PHACTR2: variants seen among roughly 807,000 people sequenced by gnomAD.
PHACTR2 encodes chromosome 6 open reading frame 56.
PHACTR2 carries 30 observed loss-of-function variants against 76.0 expected under a neutral mutation model. The observed-to-expected ratio is 0.39, with a 90% CI of 0.30 to 0.54. The LOEUF (loss-of-function observed/expected upper bound fraction) is 0.54, where lower values mean the gene tolerates loss of function less well. Ranked by LOEUF, PHACTR2 falls within the 20% of genes least tolerant of loss-of-function variation. The probability of loss-of-function intolerance (pLI) is 0.61; values close to 1 mark genes in which losing one functional copy is unlikely to be tolerated. For synonymous variants in PHACTR2, 292 were observed against 292.5 expected (o/e 1.00, Z 0.02); for missense variants, 696 against 781.1 (o/e 0.89, Z 1.30).
At chr6:143,808,388 C>G (rs188932246) in intron 12 of PHACTR2, among the ~76,000 whole-genome samples, 58,077 of 151,440 alleles carry the variant, frequency 0.38, 11,223 homozygotes, top group South Asian at 0.48. Flanking sequence ...CTCAGCCTCT[C>G]AGAATGCTGG....
intron 1 of PHACTR2, among the ~76,000 whole-genome samples, chr6:143,642,315 G>A (rs1432671883): frequency 6.6e-6 from 1 of 152,194 alleles, no homozygotes; most frequent in Non-Finnish European, 1.5e-5. Context: ...GCTTGCTTTG[G>A]AAGCACTTCG....
chr6:143,788,984 T>C, intron 11 of PHACTR2, 74 bp downstream of exon 11: 2 of 1,387,734 alleles, frequency 1.4e-6, no homozygotes, highest in South Asian at 1.2e-5. Flanking sequence ...CCCCCCTACT[T>C]AAGTCATCCC....
rs1397696584 is a variant in PHACTR2 at position 143,543,507 on chromosome 6, A to G, written c.217+6300A>G. Among the ~76,000 whole-genome samples, 3 of 152,238 alleles carry G rather than the reference A, an allele frequency of 2.0e-5. No homozygotes were observed. The highest frequency in any genetic ancestry group is 6.5e-5 in the Admixed American group (1 of 15,284). ...CTGTCCTGGGCCTGGGGGAGAACCTAGGATGGTCGGCTATAGGGAATGGCT... is the reference window on the plus strand; with the variant it reads ...CTGTCCTGGGCCTGGGGGAGAACCTGGGATGGTCGGCTATAGGGAATGGCT... On this transcript the variant is annotated intron_variant, in intron 1 of 11. Transcript: ENST00000367584. The surrounding 1 kb of genome is among the most constrained non-coding windows in gnomAD (Gnocchi z 4.7).
chr6:143,728,769 A>C (rs894531339), intron 2 of PHACTR2, among the ~76,000 whole-genome samples: 4 of 152,180 alleles, frequency 2.6e-5, no homozygotes, highest in Non-Finnish European at 4.4e-5. Context: ...GTGCTGGAAA[A>C]AGTGAATATC....
At position 143,578,129 on chromosome 6, in the gene PHACTR2, G is replaced by A. The variant is rs976020504; in HGVS notation, c.217+40922G>A. On this transcript the variant is annotated intron_variant, in intron 1 of 11. Coordinates refer to the PHACTR2 transcript ENST00000367584. This position sits in a 1 kb window ranked among gnomAD's most constrained non-coding sequence, Gnocchi z 4.5. Reference sequence around the variant, plus strand: ...CATAGTCCAAATGCAAAGAGGGAAGGAGCTTCATTTACTGTTGTTCCTTCA... The same window carrying A: ...CATAGTCCAAATGCAAAGAGGGAAGAAGCTTCATTTACTGTTGTTCCTTCA... Among the ~76,000 whole-genome samples the A allele has an allele frequency of 2.0e-5, 3 of 152,134 alleles. No individual in the cohort carries two copies. Among genetic ancestry groups the A allele is most frequent in the South Asian group, 2.1e-4 (1 of 4,830 alleles).
rs190908553 is a variant in PHACTR2 at position 143,620,610 on chromosome 6, T to C, written c.13+12288T>C. On this transcript the variant is annotated intron_variant, in intron 1 of 11. Coordinates refer to the PHACTR2 transcript ENST00000305766. ...TAAGGCAGAGAAGTTTATTTATTTATTTTTTCAGACAGCAGCCTCATGCAC... is the reference window on the plus strand; with the variant it reads ...TAAGGCAGAGAAGTTTATTTATTTACTTTTTCAGACAGCAGCCTCATGCAC... Among the ~76,000 whole-genome samples, 164 of 152,352 alleles carry C rather than the reference T, an allele frequency of 1.1e-3. 1 individual carries two copies. The highest frequency in any genetic ancestry group is 3.9e-3 in the African/African-American group (163 of 41,584).
chr6:143,708,899 T>G lies in PHACTR2; in HGVS notation c.47-3117T>G, dbSNP rs540541471. On this transcript the variant is annotated intron_variant, in intron 1 of 12. Transcript: ENST00000440869. The surrounding 1 kb of genome is among the most constrained non-coding windows in gnomAD (Gnocchi z 5.5). ...GATTGGGAGAGAAAGATCCCATGTA[T>G]TGTAAGAAAATGAAAACTGGACATG... Among the ~76,000 whole-genome samples, 1 of 152,314 alleles carries G rather than the reference T, an allele frequency of 6.6e-6. No individual in the cohort carries two copies. Among genetic ancestry groups the G allele is most frequent in the South Asian group, 2.1e-4 (1 of 4,824 alleles).
At chr6:143,719,855 C>T (rs1278634412) in intron 2 of PHACTR2, among the ~76,000 whole-genome samples, 1 of 141,248 alleles carries the variant, frequency 7.1e-6, no homozygotes, top group East Asian at 2.1e-4. Context: ...CACTCTCGCC[C>T]AGGCTGGAGT....
chr6:143,715,657 A>G (rs1778284705), intron 2 of PHACTR2, among the ~76,000 whole-genome samples: 1 of 152,208 alleles, frequency 6.6e-6, no homozygotes, highest in Admixed American at 6.5e-5. Context: ...AATAAATGCT[A>G]TGATGGACAC....
rs1776677406 is a variant in PHACTR2 at position 143,647,353 on chromosome 6, C to A, written c.13+39031C>A. 6.6e-6 allele frequency among the ~76,000 whole-genome samples: 1 copy of A among 152,156 alleles called. No individual in the cohort carries two copies. The highest frequency in any genetic ancestry group is 1.5e-5 in the Non-Finnish European group (1 of 68,026). On this transcript the variant is annotated intron_variant, in intron 1 of 11. Coordinates refer to the PHACTR2 transcript ENST00000305766. This position sits in a 1 kb window ranked among gnomAD's most constrained non-coding sequence, Gnocchi z 4.2. ...AATCAAAACAACCTGACCCTGAAACCCTCCTGTTAACCAGTGACCTTTTCT... is the reference window on the plus strand; with the variant it reads ...AATCAAAACAACCTGACCCTGAAACACTCCTGTTAACCAGTGACCTTTTCT...
At chr6:143,692,449 C>G (rs9496734) in intron 1 of PHACTR2, among the ~76,000 whole-genome samples, 70,429 of 151,858 alleles carry the variant, frequency 0.46, 16,336 homozygotes, top group Middle Eastern at 0.55. Context: ...GGCCTCTAAA[C>G]CAGAATTGTA....
rs1361509563 is a variant in PHACTR2 at position 143,697,354 on chromosome 6, A to G, written c.47-14662A>G. On this transcript the variant is annotated intron_variant, in intron 1 of 12. Coordinates refer to ENST00000440869, the MANE Select transcript of PHACTR2 (RefSeq NM_001100164.2). This position sits in a 1 kb window ranked among gnomAD's most constrained non-coding sequence, Gnocchi z 4.4. ...GAAAGAAGGTTAAGACTGAAGAAAA[A>G]TCTGAGATGAGAAAGAAGGAAATGT... Among the ~76,000 whole-genome samples the G allele has an allele frequency of 6.6e-6, 1 of 152,232 alleles. No individual in the cohort carries two copies.
chr6:143,546,136 G>C lies in PHACTR2; in HGVS notation c.217+8929G>C, dbSNP rs2128426820. Among the ~76,000 whole-genome samples, 1 of 152,292 alleles carries C rather than the reference G, an allele frequency of 6.6e-6. No individual in the cohort carries two copies. The highest frequency in any genetic ancestry group is 2.1e-4 in the South Asian group (1 of 4,828). ...TTTAGTGTTTTTAAAATACCATGCTGAGTGACTCATTATCTTTGATCACAC... is the reference window on the plus strand; with the variant it reads ...TTTAGTGTTTTTAAAATACCATGCTCAGTGACTCATTATCTTTGATCACAC... On this transcript the variant is annotated intron_variant, in intron 1 of 11. Transcript: ENST00000367584. This position sits in a 1 kb window ranked among gnomAD's most constrained non-coding sequence, Gnocchi z 4.9.
At chr6:143,573,727 A>G (rs1364287805) in intron 1 of PHACTR2, among the ~76,000 whole-genome samples, 1 of 152,128 alleles carries the variant, frequency 6.6e-6, no homozygotes, top group East Asian at 1.9e-4. Flanking sequence ...TTTTTCTTCA[A>G]CTAAATTATG....
chr6:143,574,564 T>G (rs1430526425), intron 1 of PHACTR2, among the ~76,000 whole-genome samples: 1 of 152,176 alleles, frequency 6.6e-6, no homozygotes, highest in East Asian at 1.9e-4. Context: ...GGCATTAAGT[T>G]TGCTTGAAAT....
At chr6:143,636,541 CA>C (rs1223508939) in intron 1 of PHACTR2, among the ~76,000 whole-genome samples, 1 of 152,148 alleles carries the variant, frequency 6.6e-6, no homozygotes, top group Non-Finnish European at 1.5e-5. Flanking sequence ...AGTCTATAGG[CA>C]GTTGGATTCC....
rs910563155 is a variant in PHACTR2 at position 143,672,043 on chromosome 6, T to C, written c.14-39973T>C. Among the ~76,000 whole-genome samples, 3 of 152,118 alleles carry C rather than the reference T, an allele frequency of 2.0e-5. No homozygotes were observed. Among genetic ancestry groups the C allele is most frequent in the Non-Finnish European group, 2.9e-5 (2 of 68,024 alleles). ...CAAAAGTATGGACATGGAAAGCAGG[T>C]TGGCAGTTCCCTAATGCCAAGGGTG... On this transcript the variant is annotated intron_variant, in intron 1 of 11. Transcript: ENST00000305766. The surrounding 1 kb of genome is among the most constrained non-coding windows in gnomAD (Gnocchi z 5.8).
Position 143,678,239 on chromosome 6 carries a change from C to G in PHACTR2, c.46+30C>G. On this transcript the variant is annotated intron_variant, in intron 1 of 12. Transcript: ENST00000440869. The surrounding 1 kb of genome is among the most constrained non-coding windows in gnomAD (Gnocchi z 6.2). Reference sequence around the variant, plus strand: ...GTCCGGGGCGCACGCGATGCGCTCCCGCCGCGCGGGCGCAGGGCTGGCGGC... The same window carrying G: ...GTCCGGGGCGCACGCGATGCGCTCCGGCCGCGCGGGCGCAGGGCTGGCGGC... 1.4e-6 allele frequency: 2 copies of G among 1,465,366 alleles called. No homozygotes were observed. The highest frequency in any genetic ancestry group is 2.9e-5 in the East Asian group (1 of 34,116). The allele number at this position is 1,465,366 out of a possible 1,614,324, so 90.8% of individuals were successfully genotyped here.
rs1042944029 is a variant in PHACTR2 at position 143,696,864 on chromosome 6, T to C, written c.47-15152T>C. 1.3e-5 allele frequency among the ~76,000 whole-genome samples: 2 copies of C among 152,208 alleles called. No homozygotes were observed. Among genetic ancestry groups the C allele is most frequent in the Admixed American group, 1.3e-4 (2 of 15,280 alleles). On this transcript the variant is annotated intron_variant, in intron 1 of 12. Transcript: ENST00000440869. The surrounding 1 kb of genome is among the most constrained non-coding windows in gnomAD (Gnocchi z 4.1). ...TAGGGTACTGTTCTAACAGGAGATA[T>C]TTGCTTCACAGTGGAAAGGTGAGAT...
Sources: allele counts gnomAD v4.1 joint callset (sites outside exome capture counted in the v4.1 genomes callset), GRCh38; gene constraint gnomAD v4.1.1; non-coding constraint Gnocchi (gnomAD v3.1); transcripts MANE v1.5; gene names NCBI Gene and HGNC (gene_info 2026-07-23, HGNC 2026-07-21).